SACS: variants seen among roughly 807,000 people sequenced by gnomAD.
SACS encodes sacsin molecular chaperone, also known as sacsin.
Under a neutral mutation model 348.0 loss-of-function variants are expected in SACS, and 197 were observed. That is an observed-to-expected ratio of 0.57 (90% CI 0.50 to 0.64). The LOEUF is 0.64. Among genes scored for constraint, SACS ranks in the 30% least tolerant of loss-of-function variants. The pLI, the probability that SACS is intolerant of heterozygous loss-of-function variation, is 0.00. For synonymous variants in SACS, 1,985 were observed against 1,910.6 expected, an observed-to-expected ratio of 1.04 and a Z score of -1.02; for missense variants, 4,999 against 5,360.8, an observed-to-expected ratio of 0.93 and a Z score of 2.11.
chr13:23,397,772 A>G (rs974699896), intron 2 of SACS, among the ~76,000 whole-genome samples: 4 of 152,228 alleles, frequency 2.6e-5, no homozygotes, highest in Non-Finnish European at 4.4e-5. Flanking sequence ...GAGATTTATT[A>G]TGGGCCAAAT....
chr13:23,332,353 G>T lies in SACS; in HGVS notation c.11523C>A (p.His3841Gln). ...TTGAAATAATATCTTCAGTACCTAA[G>T]TGTTTGAACAACTGGTGAAATGTGC... ...ELGTFHQLFK[H>Q]LGTEDIISTK... Residue 3841 changes from histidine (H) to glutamine (Q), a missense_variant, in exon 10 of 10, where the codon CAC becomes CAA. His to Gln is a conservative substitution (Grantham distance 24). Around this residue, in one of 6 missense-constraint regions of SACS, gnomAD observed 831 missense variants for 941.8 expected, o/e 0.88. Coordinates refer to ENST00000382292, the MANE Select transcript of SACS (RefSeq NM_014363.6). 1.2e-6 allele frequency: 2 copies of T among 1,613,934 alleles called. No homozygotes were observed. The highest frequency in any genetic ancestry group is 2.2e-5 in the South Asian group (2 of 91,076).
intron 2 of SACS, among the ~76,000 whole-genome samples, chr13:23,394,752 G>A (rs1177018133): frequency 6.6e-6 from 1 of 152,190 alleles, no homozygotes; most frequent in Non-Finnish European, 1.5e-5. Flanking sequence ...CTACTCGGGA[G>A]GCTGAGGCAG....
rs2137799749 is a variant in SACS at position 23,368,394 on chromosome 13, T to G, written c.345+8A>C. 1 of 1,594,110 alleles carries G rather than the reference T, an allele frequency of 6.3e-7. No individual in the cohort carries two copies. Among genetic ancestry groups the G allele is most frequent in the Non-Finnish European group, 8.6e-7 (1 of 1,163,226 alleles). Reference sequence around the variant, plus strand: ...GTAAATAACACATGAACACGACATGTGCCCCACCTTAAGAATCTGTCCTCC... The same window carrying G: ...GTAAATAACACATGAACACGACATGGGCCCCACCTTAAGAATCTGTCCTCC... On this transcript the variant is annotated splice_region_variant and intron_variant, in intron 5 of 9. Transcript: ENST00000382292.
At chr13:23,397,957 C>A (rs1342702998) in intron 2 of SACS, among the ~76,000 whole-genome samples, 2 of 152,036 alleles carry the variant, frequency 1.3e-5, no homozygotes, top group Non-Finnish European at 2.9e-5. Flanking sequence ...TTTGGGAGGC[C>A]GAGGTGGGCA....
At chr13:23,354,214 T>G (rs908918240) in intron 8 of SACS, among the ~76,000 whole-genome samples, 4 of 152,234 alleles carry the variant, frequency 2.6e-5, no homozygotes, top group African/African-American at 7.2e-5. Context: ...AATAATTCAT[T>G]AGTGACTAAT....
chr13:23,375,580 G>T, intron 2 of SACS: 1 of 1,027,378 alleles, frequency 9.7e-7, no homozygotes, highest in African/African-American at 1.7e-5. Flanking sequence ...GCCCACTCCC[G>T]GCCCTGCAGG....
rs1280171268 is a variant in SACS, at chr13:23,330,616, G to A, written c.13260C>T (p.Cys4420=). The A allele has an allele frequency of 6.2e-7, 1 of 1,613,742 alleles. No homozygotes were observed. The change falls in exon 10 of 10, where the codon TGC becomes TGT. Residue 4420 remains cysteine, a synonymous_variant. Coordinates refer to ENST00000382292, the MANE Select transcript of SACS (RefSeq NM_014363.6). Reference sequence around the variant, plus strand: ...AGTAAGTCTGTCCGGCTGAAGGGGGGCATTTTTCTTTGTTCTGTTGCTGTC... The same window carrying A: ...AGTAAGTCTGTCCGGCTGAAGGGGGACATTTTTCTTTGTTCTGTTGCTGTC... ...SERQQQNKEK[C]PPSAGQTYSQ... is the part of the protein sequence containing the mutation.
At chr13:23,354,209 T>C (rs984456589) in intron 8 of SACS, among the ~76,000 whole-genome samples, 1 of 152,216 alleles carries the variant, frequency 6.6e-6, no homozygotes, top group Non-Finnish European at 1.5e-5. Context: ...ATCAAAATAA[T>C]TCATTAGTGA....
chr13:23,419,308 T>C (rs74963521), intron 1 of SACS: 4,028 of 152,646 alleles, frequency 0.026, 77 homozygotes, highest in Non-Finnish European at 0.043. Context: ...CAAGGTAAGC[T>C]CTGGCAGGGT....
rs1246958958 is a variant in SACS at position 23,336,477 on chromosome 13, A to G, written c.7399T>C (p.Cys2467Arg). Reference sequence around the variant, plus strand: ...TTTATCCAAGGGCAATCATTGTAGCATAACGATTTAGCAGGGAGAAGCATA... The same window carrying G: ...TTTATCCAAGGGCAATCATTGTAGCGTAACGATTTAGCAGGGAGAAGCATA... ...NLMLLPAKSL[C>R]YNDCPWIKVK... The change falls in exon 10 of 10, where the codon TGC becomes CGC. Residue 2467 changes from cysteine (C) to arginine (R), a missense_variant. By Grantham distance (180) the Cys-to-Arg change is radical. This residue lies in a region of SACS where 3,156 missense variants were observed against 3,380.1 expected (regional missense o/e 0.93). Transcript: ENST00000382292. 2 of 1,614,090 alleles carry G rather than the reference A, an allele frequency of 1.2e-6. No individual in the cohort carries two copies. The highest frequency in any genetic ancestry group is 1.7e-6 in the Non-Finnish European group (2 of 1,179,938).
chr13:23,330,285 C>T lies in SACS; in HGVS notation c.13591G>A (p.Val4531Ile). The T allele has an allele frequency of 1.2e-6, 2 of 1,614,202 alleles. No individual in the cohort carries two copies. The highest frequency in any genetic ancestry group is 1.7e-6 in the Non-Finnish European group (2 of 1,180,006). ...GGGTATCTTGTTTTTAAACTGTCTA[C>T]ACCATAAGCTTCCAATGTGTGAACA... is the stretch of plus-strand genomic sequence containing the variant. ...NDVHTLEAYG[V>I]DSLKTRYPDL... Residue 4531 changes from valine (V) to isoleucine (I), a missense_variant, in exon 10 of 10, where the codon GTA becomes ATA. This residue lies in a region of SACS where 254 missense variants were observed against 275.1 expected (regional missense o/e 0.92). Transcript: ENST00000382292.
At chr13:23,412,754 T>C (rs1873545891) in intron 1 of SACS, among the ~76,000 whole-genome samples, 1 of 152,144 alleles carries the variant, frequency 6.6e-6, no homozygotes, top group Non-Finnish European at 1.5e-5. Context: ...TAACTCATGT[T>C]TGAAAGCAAA....
chr13:23,350,020 T>C (rs1869854160), intron 9 of SACS, among the ~76,000 whole-genome samples: 1 of 152,084 alleles, frequency 6.6e-6, no homozygotes, highest in Non-Finnish European at 1.5e-5. Context: ...TAACACGTAT[T>C]TAGGGAGTGA....
chr13:23,333,861 A>C lies in SACS; in HGVS notation c.10015T>G (p.Ser3339Ala). Reference protein sequence around the residue: ...CIQLALNKICSKDSAFVPLLS... With the variant: ...CIQLALNKICAKDSAFVPLLS... Reference sequence around the variant, plus strand: ...AAAGGAACAAATGCACTGTCTTTGGAACAGATTTTGTTCAAAGCAAGCTGA... The same window carrying C: ...AAAGGAACAAATGCACTGTCTTTGGCACAGATTTTGTTCAAAGCAAGCTGA... Residue 3339 changes from serine to alanine, a missense_variant, in exon 10 of 10, where the codon TCC becomes GCC. Physicochemically the swap from Ser to Ala is moderately conservative, Grantham distance 99. Coordinates refer to ENST00000382292, the MANE Select transcript of SACS (RefSeq NM_014363.6). 1 of 1,613,858 alleles carries C rather than the reference A, an allele frequency of 6.2e-7. No homozygotes were observed. The highest frequency in any genetic ancestry group is 1.1e-5 in the South Asian group (1 of 91,066).
At chr13:23,393,928 T>C (rs986524512) in intron 2 of SACS, among the ~76,000 whole-genome samples, 9 of 151,988 alleles carry the variant, frequency 5.9e-5, no homozygotes, top group Admixed American at 4.6e-4. Context: ...GCCCGGCTAA[T>C]TTTTTGTATT....
intron 6 of SACS, among the ~76,000 whole-genome samples, chr13:23,360,903 C>T (rs1870692370): frequency 6.6e-6 from 1 of 152,008 alleles, no homozygotes; most frequent in South Asian, 2.1e-4. Flanking sequence ...CACAATCGCA[C>T]ACCACCACAC....
Position 23,375,589 on chromosome 13 carries a change from G to A in SACS, c.21-320C>T, listed in dbSNP as rs531857968. 1,348 of 1,010,152 alleles carry A rather than the reference G, an allele frequency of 1.3e-3. 15 individuals are homozygous for A. The African/African-American group carries it at 0.022, about 16-fold the overall frequency. 62.6% of individuals were successfully genotyped at this position (1,010,152 alleles called of 1,614,324 possible). On this transcript the variant is annotated intron_variant, in intron 2 of 9. Transcript: ENST00000382292. ...CTCCCGGCCCACTCCCGGCCCTGCA[G>A]GCGCCGCCCGCGGGGACACGCCCAC...
chr13:23,368,961 A>G (rs981938251), intron 4 of SACS, among the ~76,000 whole-genome samples: 3 of 152,218 alleles, frequency 2.0e-5, no homozygotes, highest in Non-Finnish European at 4.4e-5. Context: ...GGCCTCCCAA[A>G]GTGCTGGGAT....
intron 2 of SACS, 160 bp from the exon 3 acceptor site, chr13:23,375,429 GC>G: frequency 8.3e-7 from 1 of 1,199,220 alleles, no homozygotes; most frequent in Non-Finnish European, 1.0e-6. Context: ...CGGCCCTACC[GC>G]GTCCACAGGC....
Sources: gnomAD v4.1 joint callset for allele counts (sites outside exome capture counted in the v4.1 genomes callset) on GRCh38, gnomAD v4.1.1 for gene constraint, gnomAD v4.1.1 regional missense constraint, MANE v1.5 for transcripts, NCBI Gene and HGNC (gene_info 2026-07-23, HGNC 2026-07-21) for gene names.